The following TOM1L2 variants were observed in gnomAD, a reference collection of about 807,000 sequenced individuals.
The protein encoded by TOM1L2 is target of myb1 like 2 membrane trafficking protein.
In TOM1L2, 31 loss-of-function variants were observed where a neutral mutation model predicts 67.9. That is an observed-to-expected ratio of 0.46 (90% CI 0.34 to 0.62). The LOEUF (loss-of-function observed/expected upper bound fraction) is 0.62. TOM1L2 is among the 20% of genes least tolerant of loss of function. The probability of loss-of-function intolerance (pLI) is 0.01; values close to 1 mark genes in which losing one functional copy is unlikely to be tolerated. For missense variants in TOM1L2, 606 were observed against 663.5 expected, an observed-to-expected ratio of 0.91 and a Z score of 0.95; for synonymous variants, 256 against 254.0, an observed-to-expected ratio of 1.01 and a Z score of -0.07.
At chr17:17,865,319 C>T (rs899833514) in intron 10 of TOM1L2, among the ~76,000 whole-genome samples, 1 of 152,206 alleles carries the variant, frequency 6.6e-6, no homozygotes, top group Non-Finnish European at 1.5e-5. Flanking sequence ...CTTCAGCATC[C>T]TCCTCAAACC....
At chr17:17,899,983 A>C (rs190020732) in intron 2 of TOM1L2, among the ~76,000 whole-genome samples, 176 of 152,288 alleles carry the variant, frequency 1.2e-3, no homozygotes, top group African/African-American at 4.2e-3. Flanking sequence ...AGACCAAGGC[A>C]GGTGGATAAC....
At chr17:17,922,993 C>T (rs964654052) in intron 1 of TOM1L2, among the ~76,000 whole-genome samples, 2 of 152,184 alleles carry the variant, frequency 1.3e-5, no homozygotes, top group African/African-American at 2.4e-5. Flanking sequence ...GGACCGCAGG[C>T]ATCACCAGGA....
Position 17,879,619 on chromosome 17 carries a change from T to A in TOM1L2, c.777+8A>T. 5.6e-6 allele frequency: 9 copies of A among 1,609,616 alleles called. No homozygotes were observed. Among genetic ancestry groups the A allele is most frequent in the Non-Finnish European group, 7.7e-6 (9 of 1,175,836 alleles). ...CCACAGGCCAAGTGCTTCTGAAAGA[T>A]GACTCACCTGCAGCAACTCCAGATC... On this transcript the variant is annotated splice_region_variant and intron_variant, in intron 7 of 14. Coordinates refer to ENST00000379504, the MANE Select transcript of TOM1L2 (RefSeq NM_001082968.2).
chr17:17,862,848 T>C lies in TOM1L2; in HGVS notation c.1085A>G (p.Asp362Gly). Residue 362 changes from aspartate to glycine, a missense_variant and splice_region_variant, in exon 11 of 15, where the codon GAC becomes GGC. Transcript: ENST00000379504. ...GCCACTGACGCTCTCTGTCCCCAAGTCTGTGGCAACAAAACAAATGGGTGG... is the reference window on the plus strand; with the variant it reads ...GCCACTGACGCTCTCTGTCCCCAAGCCTGTGGCAACAAAACAAATGGGTGG... The part of the protein sequence containing the change: ...SSLSSQLAGL[D>G]LGTESVSGTL... 6.2e-7 allele frequency: 1 copy of C among 1,613,550 alleles called. No individual in the cohort carries two copies. Among genetic ancestry groups the C allele is most frequent in the Non-Finnish European group, 8.5e-7 (1 of 1,179,662 alleles).
chr17:17,906,130 T>TC (rs1165765869), intron 2 of TOM1L2, among the ~76,000 whole-genome samples: 2 of 102,288 alleles, frequency 2.0e-5, no homozygotes, highest in African/African-American at 1.1e-4. Flanking sequence ...TCTTCTCTTT[T>TC]CATTTTTTTT....
intron 4 of TOM1L2, among the ~76,000 whole-genome samples, chr17:17,885,917 T>G (rs145372848): frequency 0.023 from 2,147 of 93,820 alleles, 24 homozygotes; most frequent in Middle Eastern, 0.049. Flanking sequence ...AGAGCAAGAC[T>G]CCGTCTCAAA....
At chr17:17,927,109 A>G (rs965372192) in intron 1 of TOM1L2, among the ~76,000 whole-genome samples, 3 of 152,166 alleles carry the variant, frequency 2.0e-5, no homozygotes, top group African/African-American at 7.2e-5. Flanking sequence ...GGGAATAGGC[A>G]TTTTCCTAGC....
At chr17:17,904,043 G>C (rs376591263) in intron 2 of TOM1L2, among the ~76,000 whole-genome samples, 1 of 152,030 alleles carries the variant, frequency 6.6e-6, no homozygotes, top group East Asian at 1.9e-4. Context: ...ACATTTCCTA[G>C]GCTGGTCTCA....
intron 7 of TOM1L2, among the ~76,000 whole-genome samples, chr17:17,878,712 A>C (rs561246318): frequency 6.6e-6 from 1 of 152,364 alleles, no homozygotes; most frequent in East Asian, 1.9e-4. Context: ...CCAGGTTGCT[A>C]AATCAGTCTG....
intron 7 of TOM1L2, among the ~76,000 whole-genome samples, chr17:17,872,661 C>T (rs2037210838): frequency 6.6e-6 from 1 of 152,264 alleles, no homozygotes. Context: ...CGTGCCAACA[C>T]ACATGAGGAC....
At chr17:17,921,114 C>T (rs914028735) in intron 1 of TOM1L2, among the ~76,000 whole-genome samples, 1 of 152,178 alleles carries the variant, frequency 6.6e-6, no homozygotes, top group African/African-American at 2.4e-5. Flanking sequence ...CTCTTTGAAA[C>T]CTTCTGTTTT....
At chr17:17,964,633 C>G (rs367907915) in intron 1 of TOM1L2, among the ~76,000 whole-genome samples, 1 of 152,122 alleles carries the variant, frequency 6.6e-6, no homozygotes. Flanking sequence ...TGGCTGAAAC[C>G]TATAATCCCA....
chr17:17,898,888 TAAAG>T (rs2038711067), intron 2 of TOM1L2, among the ~76,000 whole-genome samples: 1 of 152,210 alleles, frequency 6.6e-6, no homozygotes, highest in South Asian at 2.1e-4. Context: ...CAAAAAAGAA[TAAAG>T]AAACTCATGC....
chr17:17,866,899 A>C lies in TOM1L2; in HGVS notation c.937T>G (p.Ser313Ala). ...ERFERYRSGR[S>A]VQNASNGVLN... ...ACTCCATTACTGGCATTTTGAACGG[A>C]TCGGCCAGACCTGTATCGTTCGAAC... The change falls in exon 9 of 15, where the codon TCC becomes GCC. Residue 313 changes from serine to alanine, a missense_variant. This residue lies in a region of TOM1L2 where 543 missense variants were observed against 554.0 expected (regional missense o/e 0.98). Coordinates refer to ENST00000379504, the MANE Select transcript of TOM1L2 (RefSeq NM_001082968.2). 5 of 1,614,068 alleles carry C rather than the reference A, an allele frequency of 3.1e-6. No homozygotes were observed. The highest frequency in any genetic ancestry group is 4.2e-6 in the Non-Finnish European group (5 of 1,179,968).
intron 1 of TOM1L2, among the ~76,000 whole-genome samples, chr17:17,926,183 A>G (rs1425328858): frequency 6.6e-6 from 1 of 151,918 alleles, no homozygotes; most frequent in Non-Finnish European, 1.5e-5. Context: ...GGAGAAAAAA[A>G]AAAAAAAAAG....
At chr17:17,918,507 T>C (rs375827085) in intron 1 of TOM1L2, among the ~76,000 whole-genome samples, 2 of 152,248 alleles carry the variant, frequency 1.3e-5, no homozygotes, top group Middle Eastern at 3.4e-3. Flanking sequence ...GAAGACCCAT[T>C]TGAGTCCTTA....
intron 1 of TOM1L2, among the ~76,000 whole-genome samples, chr17:17,940,222 A>G (rs1351904418): frequency 6.7e-6 from 1 of 150,250 alleles, no homozygotes; most frequent in African/African-American, 2.5e-5. Flanking sequence ...AAAAAAAGGA[A>G]GAAGAGTTCT....
chr17:17,877,903 C>T (rs903545291), intron 7 of TOM1L2, among the ~76,000 whole-genome samples: 1 of 152,026 alleles, frequency 6.6e-6, no homozygotes, highest in African/African-American at 2.4e-5. Flanking sequence ...TCCCAAACCC[C>T]CTCTCCCCCC....
At chr17:17,972,075 G>T (rs1276123842) in intron 1 of TOM1L2, among the ~76,000 whole-genome samples, 187 bp downstream of exon 1, 3 of 151,800 alleles carry the variant, frequency 2.0e-5, no homozygotes, top group Non-Finnish European at 4.4e-5. Flanking sequence ...CGCCCGTGAG[G>T]TGGCACAAGC....
Sources: allele counts gnomAD v4.1 joint callset (sites outside exome capture counted in the v4.1 genomes callset), GRCh38; gene constraint gnomAD v4.1.1; regional missense constraint gnomAD v4.1.1; transcripts MANE v1.5; gene names NCBI Gene and HGNC (gene_info 2026-07-23, HGNC 2026-07-21).